The following MSRB3 variants were observed in gnomAD, a reference collection of about 807,000 sequenced individuals.
MSRB3 encodes methionine-R-sulfoxide reductase B3.
A neutral mutation model predicts 21.0 loss-of-function variants in MSRB3; 13 were observed. The observed-to-expected ratio is 0.62, with a 90% confidence interval of 0.40 to 0.98. The LOEUF (loss-of-function observed/expected upper bound fraction) is 0.98. MSRB3 is among the 50% of genes least tolerant of loss of function. MSRB3 has a pLI of 0.00. For synonymous variants in MSRB3, 87 were observed against 88.6 expected (o/e 0.98, Z 0.10); for missense variants, 199 against 230.3 (o/e 0.86, Z 0.88).
chr12:65,326,185 G>T (rs1875015041), intron 2 of MSRB3, among the ~76,000 whole-genome samples: 1 of 152,076 alleles, frequency 6.6e-6, no homozygotes, highest in South Asian at 2.1e-4. Context: ...AAAGTTTCTT[G>T]CTGCCCATTT....
At chr12:65,410,416 GA>G (rs1204426094) in intron 5 of MSRB3, among the ~76,000 whole-genome samples, 1 of 152,136 alleles carries the variant, frequency 6.6e-6, no homozygotes, top group Non-Finnish European at 1.5e-5. Flanking sequence ...AGCACTTTGG[GA>G]GGCCGAGGCA....
intron 4 of MSRB3, among the ~76,000 whole-genome samples, chr12:65,349,129 A>G (rs1269452675): frequency 1.3e-5 from 2 of 151,950 alleles, no homozygotes; most frequent in Non-Finnish European, 2.9e-5. Flanking sequence ...TCATTGTTCA[A>G]TTCCCACCTA....
intron 2 of MSRB3, among the ~76,000 whole-genome samples, chr12:65,311,077 C>A (rs1241856116): frequency 6.6e-6 from 1 of 152,132 alleles, no homozygotes; most frequent in African/African-American, 2.4e-5. Context: ...AACTTTTAAA[C>A]ATGTCCTATG....
chr12:65,311,642 G>A (rs1175583568), intron 2 of MSRB3, among the ~76,000 whole-genome samples: 1 of 152,052 alleles, frequency 6.6e-6, no homozygotes, highest in African/African-American at 2.4e-5. Context: ...AATACAGGAA[G>A]TGAAGGTGAA....
At chr12:65,433,555 C>G (rs930955424) in intron 5 of MSRB3, among the ~76,000 whole-genome samples, 3 of 151,816 alleles carry the variant, frequency 2.0e-5, no homozygotes, top group African/African-American at 7.2e-5. Flanking sequence ...TACACCATGG[C>G]CCACAGACCT....
In MSRB3 at chr12:65,465,873, G is replaced by C. The variant is rs1029891942; in HGVS notation, c.*2551G>C. ...CAGTGACCCCAGGATTCCACGTTGGGGTGGCCAAAGAAATAGGTCTCTCAG... is the reference window on the plus strand; with the variant it reads ...CAGTGACCCCAGGATTCCACGTTGGCGTGGCCAAAGAAATAGGTCTCTCAG... On this transcript the variant is annotated 3_prime_UTR_variant, in exon 7 of 7. Transcript: ENST00000308259. 6.6e-6 allele frequency: 1 copy of C among 152,178 alleles called. No homozygotes were observed. The highest frequency in any genetic ancestry group is 2.4e-5 in the African/African-American group (1 of 41,402). 9.4% of individuals were successfully genotyped at this position (152,178 alleles called of 1,614,324 possible).
At chr12:65,387,873 G>A (rs1344466219) in intron 5 of MSRB3, among the ~76,000 whole-genome samples, 1 of 151,918 alleles carries the variant, frequency 6.6e-6, no homozygotes, top group Admixed American at 6.6e-5. Context: ...AAAAATAATT[G>A]TAATTAGTGT....
intron 6 of MSRB3, among the ~76,000 whole-genome samples, chr12:65,460,080 C>A (rs535978366): frequency 1.1e-4 from 16 of 152,308 alleles, no homozygotes; most frequent in African/African-American, 3.8e-4. Context: ...TTAAAAACAA[C>A]ATTCAAAATG....
At chr12:65,378,371 A>C (rs994701471) in intron 5 of MSRB3, among the ~76,000 whole-genome samples, 17 of 152,218 alleles carry the variant, frequency 1.1e-4, no homozygotes, top group African/African-American at 3.6e-4. Flanking sequence ...GGTGATTTGA[A>C]ACAATAATCA....
At chr12:65,338,159 A>G (rs1875906528) in intron 4 of MSRB3, among the ~76,000 whole-genome samples, 1 of 152,182 alleles carries the variant, frequency 6.6e-6, no homozygotes, top group Non-Finnish European at 1.5e-5. Flanking sequence ...GATTCCCATA[A>G]TTATTAATTC....
At chr12:65,414,590 A>G (rs1279146208) in intron 5 of MSRB3, among the ~76,000 whole-genome samples, 1 of 152,200 alleles carries the variant, frequency 6.6e-6, no homozygotes, top group East Asian at 1.9e-4. Context: ...TAGCAGGTAT[A>G]CCGTCTATGT....
chr12:65,296,274 A>G (rs1872956886), intron 1 of MSRB3, among the ~76,000 whole-genome samples: 1 of 152,218 alleles, frequency 6.6e-6, no homozygotes, highest in African/African-American at 2.4e-5. Context: ...GCAAAAATAA[A>G]TTAATTAAAC....
At chr12:65,419,308 T>C in intron 5 of MSRB3, 2 of 754,334 alleles carry the variant, frequency 2.7e-6, no homozygotes, top group East Asian at 4.9e-5. Context: ...TTTGGGGGCA[T>C]CTACCTCCAA....
chr12:65,453,451 G>T (rs562829586), intron 5 of MSRB3, among the ~76,000 whole-genome samples: 2 of 152,054 alleles, frequency 1.3e-5, no homozygotes, highest in African/African-American at 4.8e-5. Flanking sequence ...CTAAGTTCAA[G>T]GATACTCTAG....
intron 1 of MSRB3, chr12:65,284,302 A>G (rs537812660): frequency 2.0e-5 from 3 of 152,384 alleles, no homozygotes; most frequent in East Asian, 3.9e-4. Flanking sequence ...TAGGACCAAT[A>G]AAGAAGTGTT....
At chr12:65,458,782 C>G (rs1883198561) in intron 6 of MSRB3, among the ~76,000 whole-genome samples, 1 of 152,182 alleles carries the variant, frequency 6.6e-6, no homozygotes, top group Non-Finnish European at 1.5e-5. Flanking sequence ...CCAGCTGCAG[C>G]CATCTTGTAA....
At chr12:65,309,272 C>T (rs552810295) in intron 2 of MSRB3, among the ~76,000 whole-genome samples, 94 of 152,212 alleles carry the variant, frequency 6.2e-4, no homozygotes, top group African/African-American at 2.0e-3. Flanking sequence ...ATTTTATATG[C>T]GCCTGTATCA....
intron 5 of MSRB3, among the ~76,000 whole-genome samples, chr12:65,383,594 T>C (rs1376824217): frequency 6.6e-6 from 1 of 152,012 alleles, no homozygotes; most frequent in Non-Finnish European, 1.5e-5. Flanking sequence ...TGGGTAACAA[T>C]AAATGGATGT....
chr12:65,305,302 C>T (rs532590956), intron 1 of MSRB3: 1 of 152,192 alleles, frequency 6.6e-6, no homozygotes. Flanking sequence ...AGTAATCTGC[C>T]CACCTCAGCC....
Sources: gnomAD v4.1 joint callset for allele counts (sites outside exome capture counted in the v4.1 genomes callset) on GRCh38, gnomAD v4.1.1 for gene constraint, MANE v1.5 for transcripts, NCBI Gene and HGNC (gene_info 2026-07-23, HGNC 2026-07-21) for gene names.